LRP1B: variants seen among roughly 807,000 people sequenced by gnomAD.
LRP1B encodes LDL receptor related protein 1B.
Under a neutral mutation model 556.6 loss-of-function variants are expected in LRP1B, and 217 were observed. The observed-to-expected ratio is 0.39, with a 90% CI of 0.35 to 0.44. The LOEUF (loss-of-function observed/expected upper bound fraction) is 0.44, where lower values mean the gene tolerates loss of function less well. LRP1B is among the 20% of genes least tolerant of loss of function. The pLI, the probability that LRP1B is intolerant of heterozygous loss-of-function variation, is 1.00. For synonymous variants in LRP1B, 2,047 were observed against 1,865.8 expected (o/e 1.10, Z -2.50); for missense variants, 5,053 against 5,620.8 (o/e 0.90, Z 3.23).
intron 1 of LRP1B, among the ~76,000 whole-genome samples, chr2:141,996,432 A>C (rs2105126349): frequency 6.6e-6 from 1 of 152,276 alleles, no homozygotes; most frequent in Admixed American, 6.5e-5. Flanking sequence ...CATCAGTCAA[A>C]GATGTTAATA....
At chr2:141,396,536 C>T (rs956018654) in intron 3 of LRP1B, among the ~76,000 whole-genome samples, 3 of 151,962 alleles carry the variant, frequency 2.0e-5, no homozygotes, top group Admixed American at 6.6e-5. Context: ...AATTTGATGG[C>T]ATTTCACTGA....
intron 8 of LRP1B, among the ~76,000 whole-genome samples, chr2:141,059,921 A>G (rs1454788012): frequency 1.3e-5 from 2 of 151,950 alleles, no homozygotes; most frequent in Admixed American, 6.6e-5. Flanking sequence ...GTTCCAGGGT[A>G]AAGTGAAGTT....
At chr2:141,908,140 C>A (rs1699808972) in intron 1 of LRP1B, among the ~76,000 whole-genome samples, 1 of 152,004 alleles carries the variant, frequency 6.6e-6, no homozygotes, top group African/African-American at 2.4e-5. Flanking sequence ...CTATTGCTAT[C>A]ATTTATGGAA....
chr2:141,164,842 A>G (rs1301904600), intron 7 of LRP1B, among the ~76,000 whole-genome samples: 1 of 152,090 alleles, frequency 6.6e-6, no homozygotes, highest in Non-Finnish European at 1.5e-5. Flanking sequence ...CAGCTGGTCC[A>G]GAATTCCTCT....
intron 25 of LRP1B, among the ~76,000 whole-genome samples, chr2:140,869,607 G>A (rs1693061360): frequency 6.6e-6 from 1 of 152,102 alleles, no homozygotes; most frequent in Admixed American, 6.6e-5. Flanking sequence ...GTGGTCTAGA[G>A]TATGGTGGTG....
chr2:141,257,262 A>G (rs1334779838), intron 3 of LRP1B, among the ~76,000 whole-genome samples: 2 of 152,184 alleles, frequency 1.3e-5, no homozygotes, highest in African/African-American at 2.4e-5. Flanking sequence ...TTTCTCACAG[A>G]AAATAGATTC....
chr2:140,360,821 G>A (rs924166203), intron 72 of LRP1B, among the ~76,000 whole-genome samples: 3 of 151,500 alleles, frequency 2.0e-5, no homozygotes, highest in African/African-American at 4.8e-5. Context: ...GATTCACAGT[G>A]GCAGTTTCTG....
At chr2:141,579,731 T>TTTTTTTTC (rs1686895134) in intron 2 of LRP1B, among the ~76,000 whole-genome samples, 1 of 140,112 alleles carries the variant, frequency 7.1e-6, no homozygotes, top group African/African-American at 2.8e-5. Flanking sequence ...TCACTTTTTT[T>TTTTTTTTC]TTTTTTTTTT....
chr2:141,443,287 T>C (rs1424019325), intron 3 of LRP1B, among the ~76,000 whole-genome samples: 1 of 152,216 alleles, frequency 6.6e-6, no homozygotes, highest in African/African-American at 2.4e-5. Context: ...GTTTGTTTTT[T>C]TCTTGTAAAT....
chr2:140,603,279 G>A (rs1682742915), intron 41 of LRP1B, among the ~76,000 whole-genome samples: 1 of 152,044 alleles, frequency 6.6e-6, no homozygotes, highest in African/African-American at 2.4e-5. Context: ...AATCAGTTAA[G>A]CTAATTTTAT....
rs1178986363 is a variant in LRP1B, at chr2:141,119,775, C to G, written c.1014-57502G>C. On this transcript the variant is annotated intron_variant, in intron 7 of 90. Coordinates refer to ENST00000389484, the MANE Select transcript of LRP1B (RefSeq NM_018557.3). ...GTTAATTCAACTCAACTCAGAAAAT[C>G]CATTAAGTATCTGTTATGTATAAAG... Among the ~76,000 whole-genome samples the G allele has an allele frequency of 9.3e-5, 14 of 151,032 alleles. No individual in the cohort carries two copies. In the Admixed American group the frequency reaches 9.3e-4, roughly 10 times the overall value.
intron 7 of LRP1B, among the ~76,000 whole-genome samples, chr2:141,088,393 A>T (rs988175886): frequency 1.3e-5 from 2 of 152,218 alleles, no homozygotes; most frequent in African/African-American, 4.8e-5. Context: ...AACCCTAAAA[A>T]GTGAAATAAA....
rs182159369 is a variant in LRP1B at position 141,071,668 on chromosome 2, A to C, written c.1014-9395T>G. Among the ~76,000 whole-genome samples the C allele has an allele frequency of 2.7e-3, 411 of 152,328 alleles. 2 individuals carry two copies. Among genetic ancestry groups the C allele is most frequent in the African/African-American group, 9.3e-3 (388 of 41,580 alleles). ...AACTTCAGCAAAGTCTCAGGATACA[A>C]AATCAATGTACAAAAAGCACAAGCA... On this transcript the variant is annotated intron_variant, in intron 7 of 90. Coordinates refer to ENST00000389484, the MANE Select transcript of LRP1B (RefSeq NM_018557.3).
chr2:140,847,883 C>G (rs912701538), intron 29 of LRP1B, among the ~76,000 whole-genome samples: 1 of 151,946 alleles, frequency 6.6e-6, no homozygotes, highest in African/African-American at 2.4e-5. Context: ...CATTTTTGCT[C>G]AAATTTTGGT....
At chr2:140,878,038 C>T (rs1280948355) in intron 25 of LRP1B, among the ~76,000 whole-genome samples, 3 of 152,034 alleles carry the variant, frequency 2.0e-5, no homozygotes, top group African/African-American at 7.2e-5. Context: ...AAAACAATAT[C>T]CAAATTGTTT....
At chr2:140,857,428 G>A (rs1389495210) in intron 27 of LRP1B, among the ~76,000 whole-genome samples, 1 of 152,138 alleles carries the variant, frequency 6.6e-6, no homozygotes, top group Non-Finnish European at 1.5e-5. Flanking sequence ...GGAATTTTCA[G>A]AAGTACTTTG....
chr2:141,198,791 G>T (rs932874323), intron 6 of LRP1B, among the ~76,000 whole-genome samples: 8 of 152,064 alleles, frequency 5.3e-5, no homozygotes, highest in African/African-American at 1.9e-4. Flanking sequence ...CTTTTTCCCA[G>T]TAGGCAAACA....
chr2:141,214,846 C>T (rs1325777837), intron 6 of LRP1B, among the ~76,000 whole-genome samples: 1 of 152,188 alleles, frequency 6.6e-6, no homozygotes. Flanking sequence ...TTTATCCAGA[C>T]ACAGACCATA....
intron 67 of LRP1B, among the ~76,000 whole-genome samples, chr2:140,378,989 G>A (rs538783119): frequency 2.8e-4 from 42 of 152,190 alleles, no homozygotes; most frequent in Non-Finnish European, 5.4e-4. Context: ...ACATAGTAAT[G>A]ACTTACTACT....
Sources: allele counts gnomAD v4.1 joint callset (sites outside exome capture counted in the v4.1 genomes callset), GRCh38; gene constraint gnomAD v4.1.1; transcripts MANE v1.5; gene names NCBI Gene and HGNC (gene_info 2026-07-23, HGNC 2026-07-21).